GFRA2: variants seen among roughly 807,000 people sequenced by gnomAD.
GFRA2 encodes GDNF family receptor alpha 2.
Under a neutral mutation model 48.3 loss-of-function variants are expected in GFRA2, and 17 were observed. The ratio of observed to expected loss-of-function variants is 0.35; its 90% CI spans 0.24 to 0.53. GFRA2 has a LOEUF of 0.53. GFRA2 is among the 20% of genes least tolerant of loss of function. GFRA2 has a pLI of 0.93. For missense variants in GFRA2, 660 were observed against 637.3 expected (o/e 1.04, Z -0.38); for synonymous variants, 305 against 257.2 (o/e 1.19, Z -1.78).
chr8:21,739,825 C>T (rs1804663270), intron 4 of GFRA2, among the ~76,000 whole-genome samples: 2 of 152,278 alleles, frequency 1.3e-5, no homozygotes, highest in South Asian at 2.1e-4. Context: ...GATTGAAAGC[C>T]GAAAAGCAAG....
chr8:21,787,266 G>GGC (rs1554498020), intron 1 of GFRA2, among the ~76,000 whole-genome samples: 2 of 149,524 alleles, frequency 1.3e-5, no homozygotes, highest in East Asian at 2.0e-4. Context: ...GAGGCGGCGG[G>GGC]GGGGGCAGTG....
intron 2 of GFRA2, 41 bp downstream of exon 2, chr8:21,782,544 G>A (rs1222573392): frequency 1.3e-5 from 19 of 1,463,968 alleles, no homozygotes; most frequent in East Asian, 5.0e-5. Flanking sequence ...CTCTGCCTGC[G>A]CCACACCCCC....
intron 7 of GFRA2, among the ~76,000 whole-genome samples, chr8:21,701,145 A>G (rs1182841529): frequency 6.6e-6 from 1 of 152,244 alleles, no homozygotes; most frequent in African/African-American, 2.4e-5. Context: ...CTGTAATCCC[A>G]GTACTTTGGG....
At chr8:21,759,267 TC>T (rs1486169434) in intron 3 of GFRA2, among the ~76,000 whole-genome samples, 1 of 151,524 alleles carries the variant, frequency 6.6e-6, no homozygotes, top group African/African-American at 2.4e-5. Flanking sequence ...GCACCTGTAA[TC>T]CCAGCTACTA....
chr8:21,725,117 C>A (rs1020431897), intron 4 of GFRA2, among the ~76,000 whole-genome samples: 1 of 152,218 alleles, frequency 6.6e-6, no homozygotes, highest in African/African-American at 2.4e-5. Context: ...CATAGGATGT[C>A]ACCCAAGCTT....
At chr8:21,693,451 A>T (rs1035088866) in intron 8 of GFRA2, 51 bp from the exon 9 acceptor site, 18 of 1,544,490 alleles carry the variant, frequency 1.2e-5, no homozygotes, top group Non-Finnish European at 1.6e-5. Flanking sequence ...GAAAACAAAG[A>T]AAACAGTCAG....
chr8:21,803,731 C>G (rs1807809988), intron 2 of GFRA2, among the ~76,000 whole-genome samples: 1 of 152,196 alleles, frequency 6.6e-6, no homozygotes, highest in Non-Finnish European at 1.5e-5. Context: ...CTCCTATGTG[C>G]AAATGATCCT....
chr8:21,772,379 C>T (rs1806479696), intron 3 of GFRA2, among the ~76,000 whole-genome samples: 1 of 152,190 alleles, frequency 6.6e-6, no homozygotes, highest in African/African-American at 2.4e-5. Context: ...TTATGGCTCA[C>T]TGCAGCTTCG....
intron 1 of GFRA2, chr8:21,783,263 G>T (rs1013661234): frequency 4.9e-6 from 2 of 411,808 alleles, no homozygotes; most frequent in Non-Finnish European, 9.3e-6. Context: ...ATGGCTTGCT[G>T]GGGGGTGCAG....
chr8:21,696,169 T>G (rs1450754671), intron 7 of GFRA2, among the ~76,000 whole-genome samples: 5 of 58,352 alleles, frequency 8.6e-5, no homozygotes, highest in Non-Finnish European at 1.7e-4. Flanking sequence ...CCCCTTTCCC[T>G]CTTTCTCCCC....
At position 21,691,713 on chromosome 8, in the gene GFRA2, C is replaced by T. The variant is rs1293177591; in HGVS notation, c.*1565G>A. 2.0e-5 allele frequency: 3 copies of T among 152,296 alleles called. No individual in the cohort carries two copies. Among genetic ancestry groups the T allele is most frequent in the Non-Finnish European group, 2.9e-5 (2 of 68,094 alleles). 9.4% of individuals were successfully genotyped at this position (152,296 alleles called of 1,614,324 possible). ...CGTCCACGTCCACTGCATTCTCTTC[C>T]AGCCTGGGAGCCACAGGCATTTGCG... On this transcript the variant is annotated 3_prime_UTR_variant, in exon 9 of 9. Coordinates refer to ENST00000524240, the MANE Select transcript of GFRA2 (RefSeq NM_001495.5).
chr8:21,783,058 G>A, intron 1 of GFRA2, 159 bp from the exon 2 acceptor site: 1 of 734,720 alleles, frequency 1.4e-6, no homozygotes, highest in Non-Finnish European at 2.4e-6. Flanking sequence ...ATACCCCAGG[G>A]AGAACTCAGG....
chr8:21,811,405 G>A (rs1439769173), intron 1 of GFRA2, among the ~76,000 whole-genome samples: 4 of 152,142 alleles, frequency 2.6e-5, no homozygotes, highest in Non-Finnish European at 2.9e-5. Flanking sequence ...CTCGGGATGG[G>A]TTTTCCCAGG....
intron 3 of GFRA2, among the ~76,000 whole-genome samples, chr8:21,768,591 G>A (rs531551878): frequency 6.6e-6 from 1 of 152,178 alleles, no homozygotes; most frequent in Non-Finnish European, 1.5e-5. Context: ...GGGGTGCACA[G>A]AGGGAGCCGA....
At chr8:21,695,783 G>A (rs1802134451) in intron 7 of GFRA2, among the ~76,000 whole-genome samples, 1 of 152,122 alleles carries the variant, frequency 6.6e-6, no homozygotes, top group Non-Finnish European at 1.5e-5. Flanking sequence ...CCCCCTCAGA[G>A]GCTGTGCTGT....
intron 4 of GFRA2, 149 bp from the exon 5 acceptor site, chr8:21,706,190 C>G (rs1224784469): frequency 1.6e-6 from 1 of 639,026 alleles, no homozygotes; most frequent in African/African-American, 1.8e-5. Flanking sequence ...TCGGGGGAAC[C>G]AAGTCTTTGT....
chr8:21,760,546 A>G (rs1293774711), intron 3 of GFRA2, among the ~76,000 whole-genome samples: 1 of 152,228 alleles, frequency 6.6e-6, no homozygotes, highest in Non-Finnish European at 1.5e-5. Flanking sequence ...ACTTGGAAGG[A>G]AAGAAGAGAG....
chr8:21,721,345 G>A (rs1448665676), intron 4 of GFRA2, among the ~76,000 whole-genome samples: 1 of 152,158 alleles, frequency 6.6e-6, no homozygotes, highest in Non-Finnish European at 1.5e-5. Context: ...TTCACTAAAG[G>A]AGGCCCCAGT....
In GFRA2 at chr8:21,705,094, G is replaced by A. The variant is rs1490900384; in HGVS notation, c.936C>T (p.Ser312=). The A allele has an allele frequency of 1.2e-6, 2 of 1,611,314 alleles. No homozygotes were observed. Among genetic ancestry groups the A allele is most frequent in the Admixed American group, 1.7e-5 (1 of 59,788 alleles). ...GGGACACCACGATGCCAGTGGGGCT[G>A]GAGTCCACATAGTTAGGTGTCATGT... ...GFDMTPNYVD[S]SPTGIVVSPW... The change falls in exon 6 of 9, where the codon TCC becomes TCT. Residue 312 remains serine, a synonymous_variant. Transcript: ENST00000524240.
Sources: gnomAD v4.1 joint callset for allele counts (sites outside exome capture counted in the v4.1 genomes callset) on GRCh38, gnomAD v4.1.1 for gene constraint, MANE v1.5 for transcripts, NCBI Gene and HGNC (gene_info 2026-07-23, HGNC 2026-07-21) for gene names.